LARP6: variants seen among roughly 807,000 people sequenced by gnomAD.
LARP6 encodes la-related protein 6.
LARP6 carries 18 observed loss-of-function variants against 32.8 expected under a neutral mutation model. That is an observed-to-expected ratio of 0.55 (90% CI 0.38 to 0.81). The LOEUF is 0.81. Among genes scored for constraint, LARP6 ranks in the 40% least tolerant of loss-of-function variants. LARP6 has a pLI of 0.00. For missense variants in LARP6, 598 were observed against 663.1 expected (o/e 0.90, Z 1.08); for synonymous variants, 289 against 267.2 (o/e 1.08, Z -0.80).
intron 1 of LARP6, among the ~76,000 whole-genome samples, chr15:70,846,231 T>C (rs1399544803): frequency 6.6e-6 from 1 of 152,230 alleles, no homozygotes; most frequent in Non-Finnish European, 1.5e-5. Context: ...AGCTAGAGTA[T>C]GTCACTGCTT....
chr15:70,846,042 A>T lies in LARP6; in HGVS notation c.200+7847T>A, dbSNP rs188276533. ...GACAGAAAGGCTAGGAAATTGTTCT[A>T]AAGGAAGAATTTAAATTACCTTTCA... On this transcript the variant is annotated intron_variant, in intron 1 of 2. Transcript: ENST00000299213. Among the ~76,000 whole-genome samples the T allele has an allele frequency of 2.8e-3, 420 of 152,294 alleles. 4 individuals are homozygous for T. Among genetic ancestry groups the T allele is most frequent in the African/African-American group, 9.8e-3 (408 of 41,570 alleles).
At position 70,833,011 on chromosome 15, in the gene LARP6, C is replaced by A; in HGVS notation, c.517G>T (p.Val173Phe). The A allele has an allele frequency of 6.2e-7, 1 of 1,613,208 alleles. No individual in the cohort carries two copies. ...DHRKVRRTTP[V>F]PLFPNENLPS... ...AGGTTCTCGTTGGGGAACAGTGGGA[C>A]GGGGGTGGTCCTCCTCACCTTCCGG... Residue 173 changes from valine (V) to phenylalanine (F), a missense_variant, in exon 3 of 3, where the codon GTC (valine) becomes TTC (phenylalanine). By Grantham distance (50) the Val-to-Phe change is conservative. This residue lies in a region of LARP6 where 69 missense variants were observed against 116.7 expected (regional missense o/e 0.59). Coordinates refer to ENST00000299213, the MANE Select transcript of LARP6 (RefSeq NM_018357.4).
intron 1 of LARP6, among the ~76,000 whole-genome samples, chr15:70,840,824 A>G (rs1436449139): frequency 6.6e-6 from 1 of 152,120 alleles, no homozygotes; most frequent in African/African-American, 2.4e-5. Flanking sequence ...CTACTCCCAA[A>G]CTAGAGCAAT....
At chr15:70,845,433 G>A (rs1442214829) in intron 1 of LARP6, among the ~76,000 whole-genome samples, 1 of 152,184 alleles carries the variant, frequency 6.6e-6, no homozygotes, top group Non-Finnish European at 1.5e-5. Flanking sequence ...TGATTAGACT[G>A]GGATTATGGG....
intron 1 of LARP6, among the ~76,000 whole-genome samples, chr15:70,852,815 C>CT (rs2141061635): frequency 6.6e-6 from 1 of 152,272 alleles, no homozygotes; most frequent in African/African-American, 2.4e-5. Flanking sequence ...AAGTCTGACC[C>CT]TTTAACCTGG....
At chr15:70,835,639 T>C (rs573182018) in intron 2 of LARP6, among the ~76,000 whole-genome samples, 5 of 152,284 alleles carry the variant, frequency 3.3e-5, no homozygotes, top group African/African-American at 1.2e-4. Flanking sequence ...TTCTAGTAAA[T>C]GCACTTCCCC....
intron 1 of LARP6, chr15:70,848,856 C>T (rs569436905): frequency 2.3e-4 from 35 of 152,212 alleles, no homozygotes; most frequent in African/African-American, 8.4e-4. Context: ...AAATTAAAAG[C>T]AGGTGGCTCA....
chr15:70,849,380 C>T (rs1253292060), intron 1 of LARP6: 1 of 156,650 alleles, frequency 6.4e-6, no homozygotes, highest in Non-Finnish European at 1.4e-5. Context: ...AACAAACAAA[C>T]AAACAAACAA....
Position 70,832,415 on chromosome 15 carries a change from CAGAAAG to C in LARP6, c.1107_1112del (p.Phe370_Leu371del). 6.3e-7 allele frequency: 1 copy of C among 1,592,106 alleles called. No homozygotes were observed. Among genetic ancestry groups the C allele is most frequent in the East Asian group, 2.2e-5 (1 of 44,722 alleles). On this transcript the variant is annotated inframe_deletion, in exon 3 of 3. Transcript: ENST00000299213. ...TTGTGCACGGGGAGGCATTTGGACT[CAGAAAG>C]AGATTCTGGTGGCCAGACGGGCTGA...
chr15:70,835,876 T>C (rs964209253), intron 2 of LARP6, among the ~76,000 whole-genome samples: 13 of 152,210 alleles, frequency 8.5e-5, no homozygotes, highest in Admixed American at 1.3e-4. Flanking sequence ...GAGTTCTGGG[T>C]GCTCATTCTC....
At chr15:70,850,351 T>G (rs2032425198) in intron 1 of LARP6, among the ~76,000 whole-genome samples, 1 of 152,180 alleles carries the variant, frequency 6.6e-6, no homozygotes, top group African/African-American at 2.4e-5. Flanking sequence ...GCTTCCAAAC[T>G]CATTTCACAA....
At chr15:70,843,954 C>T (rs1418900545) in intron 1 of LARP6, among the ~76,000 whole-genome samples, 1 of 143,082 alleles carries the variant, frequency 7.0e-6, no homozygotes, top group African/African-American at 2.6e-5. Flanking sequence ...CCGCGCCCGA[C>T]CTTTTTTTCT....
In LARP6 at chr15:70,832,787, G is replaced by A. The variant is rs1567019832; in HGVS notation, c.741C>T (p.Ser247=). The change falls in exon 3 of 3, where the codon AGC becomes AGT. Residue 247 remains serine, a synonymous_variant. Coordinates refer to ENST00000299213, the MANE Select transcript of LARP6 (RefSeq NM_018357.4). Reference sequence around the variant, plus strand: ...GGGTCCCCACTTGGCTGTAGCGGCTGCTGATCCTCCGGATGTCAGGGGGCA... The same window carrying A: ...GGGTCCCCACTTGGCTGTAGCGGCTACTGATCCTCCGGATGTCAGGGGGCA... ...RELPPDIRRI[S]SRYSQVGTQE... is the part of the protein sequence containing the mutation. 1.9e-6 allele frequency: 3 copies of A among 1,609,988 alleles called. No homozygotes were observed. Among genetic ancestry groups the A allele is most frequent in the Non-Finnish European group, 1.7e-6 (2 of 1,178,364 alleles).
intron 2 of LARP6, among the ~76,000 whole-genome samples, chr15:70,834,893 G>C (rs1322281049): frequency 6.6e-6 from 1 of 152,342 alleles, no homozygotes; most frequent in East Asian, 1.9e-4. Context: ...CCTTCAGAAT[G>C]AAAAGGATCT....
At chr15:70,835,590 C>T (rs974267156) in intron 2 of LARP6, among the ~76,000 whole-genome samples, 11 of 152,222 alleles carry the variant, frequency 7.2e-5, no homozygotes, top group African/African-American at 2.4e-4. Context: ...CCACTTGTTA[C>T]GCATCCCGTT....
intron 1 of LARP6, chr15:70,851,978 G>A (rs28533878): frequency 0.047 from 22,748 of 483,076 alleles, 698 homozygotes; most frequent in African/African-American, 0.1. Context: ...TCACGGGAGC[G>A]TGAACTGTTG....
At chr15:70,849,591 T>G (rs568458970) in intron 1 of LARP6, 6 of 152,268 alleles carry the variant, frequency 3.9e-5, no homozygotes, top group African/African-American at 1.4e-4. Context: ...CCTGGAATAC[T>G]AGTACCAGAA....
At chr15:70,850,194 T>C (rs564343944) in intron 1 of LARP6, among the ~76,000 whole-genome samples, 1 of 152,266 alleles carries the variant, frequency 6.6e-6, no homozygotes, top group South Asian at 2.1e-4. Context: ...CAATAACAAG[T>C]AAGGAGATTG....
At chr15:70,839,948 G>A (rs1445574674) in intron 1 of LARP6, among the ~76,000 whole-genome samples, 2 of 152,114 alleles carry the variant, frequency 1.3e-5, no homozygotes, top group Non-Finnish European at 2.9e-5. Flanking sequence ...GGCATTATTG[G>A]CCCTGACATG....
Sources: gnomAD v4.1 joint callset for allele counts (sites outside exome capture counted in the v4.1 genomes callset) on GRCh38, gnomAD v4.1.1 for gene constraint, gnomAD v4.1.1 regional missense constraint, MANE v1.5 for transcripts, NCBI Gene and HGNC (gene_info 2026-07-23, HGNC 2026-07-21) for gene names.